The following NXPH2 variants were observed in gnomAD, a reference collection of about 807,000 sequenced individuals.
NXPH2 encodes neurexophilin-2.
A neutral mutation model predicts 19.8 loss-of-function variants in NXPH2; 5 were observed. The observed-to-expected ratio is 0.25, with a 90% CI of 0.13 to 0.53. The LOEUF (loss-of-function observed/expected upper bound fraction) is 0.53, where lower values mean the gene tolerates loss of function less well. Ranked by LOEUF, NXPH2 falls within the 20% of genes least tolerant of loss-of-function variation. NXPH2 has a pLI of 0.96. For missense variants in NXPH2, 289 were observed against 322.8 expected (o/e 0.90, Z 0.80); for synonymous variants, 154 against 127.4 (o/e 1.21, Z -1.41).
intron 1 of NXPH2, among the ~76,000 whole-genome samples, chr2:138,732,497 C>A (rs1297339372): frequency 6.6e-6 from 1 of 152,144 alleles, no homozygotes; most frequent in Non-Finnish European, 1.5e-5. Flanking sequence ...CAATGTCAGC[C>A]TTGGGCTGTG....
intron 1 of NXPH2, among the ~76,000 whole-genome samples, chr2:138,701,849 C>T (rs934383603): frequency 4.6e-5 from 7 of 152,130 alleles, no homozygotes; most frequent in East Asian, 1.9e-4. Flanking sequence ...TACGAATCTC[C>T]GCTTTGGTAG....
At chr2:138,695,164 A>T (rs535462302) in intron 1 of NXPH2, among the ~76,000 whole-genome samples, 1 of 152,300 alleles carries the variant, frequency 6.6e-6, no homozygotes, top group Non-Finnish European at 1.5e-5. Flanking sequence ...GGTGAGAAAA[A>T]TAAGTTGCAT....
chr2:138,674,824 A>G (rs558992002), intron 1 of NXPH2, among the ~76,000 whole-genome samples: 1 of 152,348 alleles, frequency 6.6e-6, no homozygotes, highest in African/African-American at 2.4e-5. Context: ...CTTGCTGCCC[A>G]TAGTCTACTA....
chr2:138,780,292 C>G lies in NXPH2; in HGVS notation c.-51G>C, dbSNP rs1179093774. The G allele has an allele frequency of 7.2e-6, 10 of 1,381,358 alleles. No homozygotes were observed. Among genetic ancestry groups the G allele is most frequent in the East Asian group, 6.0e-5 (2 of 33,132 alleles). The allele number at this position is 1,381,358 out of a possible 1,614,324, so 85.6% of individuals were successfully genotyped here. ...GAGCTGCGCGCCCTCGCCTGCCTCT[C>G]GCGCATCTCCACTTCGCGGGGCAGG... On this transcript the variant is annotated 5_prime_UTR_variant, in exon 1 of 2. Coordinates refer to ENST00000272641, the MANE Select transcript of NXPH2 (RefSeq NM_007226.3).
chr2:138,685,884 T>G (rs767723254), intron 1 of NXPH2, among the ~76,000 whole-genome samples: 3 of 152,212 alleles, frequency 2.0e-5, no homozygotes, highest in Non-Finnish European at 4.4e-5. Context: ...CTTGTCACAC[T>G]GTTTATTATT....
intron 1 of NXPH2, among the ~76,000 whole-genome samples, chr2:138,733,584 A>G (rs1225440627): frequency 6.6e-6 from 1 of 152,192 alleles, no homozygotes; most frequent in Non-Finnish European, 1.5e-5. Context: ...TTCTTCAGAA[A>G]TTGTCATTTT....
chr2:138,732,386 G>A (rs901808661), intron 1 of NXPH2, among the ~76,000 whole-genome samples: 3 of 152,158 alleles, frequency 2.0e-5, no homozygotes, highest in African/African-American at 7.2e-5. Flanking sequence ...TCTTTTAAAA[G>A]GCACCAGCAT....
intron 1 of NXPH2, among the ~76,000 whole-genome samples, chr2:138,699,510 A>G (rs1159586062): frequency 1.3e-5 from 2 of 151,894 alleles, no homozygotes; most frequent in Non-Finnish European, 2.9e-5. Context: ...TTCCTGTGCT[A>G]CTCTCTGTGA....
chr2:138,693,063 C>T (rs1680767552), intron 1 of NXPH2, among the ~76,000 whole-genome samples: 1 of 152,122 alleles, frequency 6.6e-6, no homozygotes, highest in African/African-American at 2.4e-5. Flanking sequence ...TTCCTCTTTT[C>T]CATATTATTT....
At chr2:138,703,068 T>C (rs1411377368) in intron 1 of NXPH2, among the ~76,000 whole-genome samples, 4 of 152,216 alleles carry the variant, frequency 2.6e-5, no homozygotes, top group Non-Finnish European at 5.9e-5. Flanking sequence ...CTCTCGCCTG[T>C]ATTAAATAGC....
intron 1 of NXPH2, among the ~76,000 whole-genome samples, chr2:138,705,690 T>C (rs552231754): frequency 3.0e-4 from 46 of 152,356 alleles, no homozygotes; most frequent in Middle Eastern, 3.4e-3. Flanking sequence ...TTAAATTCTC[T>C]GTTAAAATTC....
intron 1 of NXPH2, among the ~76,000 whole-genome samples, chr2:138,747,268 C>T (rs1413582312): frequency 6.6e-6 from 1 of 152,074 alleles, no homozygotes; most frequent in Non-Finnish European, 1.5e-5. Context: ...ATGCCCTTGC[C>T]CAGTGAACCT....
At chr2:138,721,716 A>G (rs1446757401) in intron 1 of NXPH2, among the ~76,000 whole-genome samples, 1 of 152,200 alleles carries the variant, frequency 6.6e-6, no homozygotes, top group Non-Finnish European at 1.5e-5. Flanking sequence ...GAGTTAAAGA[A>G]TCGCCCTTGC....
intron 1 of NXPH2, among the ~76,000 whole-genome samples, chr2:138,691,656 C>T (rs1680748603): frequency 6.6e-6 from 1 of 152,098 alleles, no homozygotes; most frequent in Admixed American, 6.6e-5. Flanking sequence ...ACCTGAGCGA[C>T]AAGGTAAGAA....
intron 1 of NXPH2, among the ~76,000 whole-genome samples, chr2:138,683,130 C>A (rs1680601918): frequency 1.3e-5 from 2 of 152,010 alleles, no homozygotes; most frequent in South Asian, 2.1e-4. Flanking sequence ...AGATCACAGT[C>A]TCAATACAAG....
At chr2:138,699,656 G>A (rs1195722529) in intron 1 of NXPH2, among the ~76,000 whole-genome samples, 1 of 152,090 alleles carries the variant, frequency 6.6e-6, no homozygotes, top group East Asian at 1.9e-4. Context: ...GCCTTGCTGG[G>A]CCAGGCTTCT....
At chr2:138,677,325 T>C (rs373726667) in intron 1 of NXPH2, among the ~76,000 whole-genome samples, 1 of 152,254 alleles carries the variant, frequency 6.6e-6, no homozygotes, top group African/African-American at 2.4e-5. Context: ...TGCTGTGCTT[T>C]ATCTGTTTGA....
intron 1 of NXPH2, among the ~76,000 whole-genome samples, chr2:138,686,206 GA>G (rs944812243): frequency 6.6e-6 from 1 of 152,132 alleles, no homozygotes; most frequent in Non-Finnish European, 1.5e-5. Context: ...TTGTTAAGGA[GA>G]TAAAAATCAA....
chr2:138,775,484 TA>T (rs766672180), intron 1 of NXPH2, among the ~76,000 whole-genome samples: 49 of 152,192 alleles, frequency 3.2e-4, no homozygotes, highest in Non-Finnish European at 5.7e-4. Context: ...TCACAGCTAA[TA>T]AAAAATGCAT....
Sources: allele counts gnomAD v4.1 joint callset (sites outside exome capture counted in the v4.1 genomes callset), GRCh38; gene constraint gnomAD v4.1.1; transcripts MANE v1.5; gene names NCBI Gene and HGNC (gene_info 2026-07-23, HGNC 2026-07-21).